The following MSI2 variants were observed in gnomAD, a reference collection of about 807,000 sequenced individuals.
MSI2 encodes the protein RNA-binding protein Musashi homolog 2.
In MSI2, 17 loss-of-function variants were observed where a neutral mutation model predicts 45.6. That is an observed-to-expected ratio of 0.37 (90% CI 0.26 to 0.56). The LOEUF (loss-of-function observed/expected upper bound fraction) is 0.56. MSI2 is among the 20% of genes least tolerant of loss of function. The probability of loss-of-function intolerance (pLI) is 0.77; values close to 1 mark genes in which losing one functional copy is unlikely to be tolerated. For synonymous variants in MSI2, 156 were observed against 158.2 expected (o/e 0.99, Z 0.11); for missense variants, 293 against 444.2 (o/e 0.66, Z 3.06).
chr17:57,497,569 C>T (rs1000213422), intron 6 of MSI2, among the ~76,000 whole-genome samples: 1 of 152,164 alleles, frequency 6.6e-6, no homozygotes, highest in Non-Finnish European at 1.5e-5. Context: ...AAGACAGCTA[C>T]GTCTCTCTAT....
chr17:57,259,552 G>A (rs547366033), intron 4 of MSI2, among the ~76,000 whole-genome samples: 14 of 152,182 alleles, frequency 9.2e-5, no homozygotes, highest in Admixed American at 7.9e-4. Context: ...TCAGGAATGC[G>A]TGCCTTCTCC....
chr17:57,361,417 T>C (rs1916801739), intron 5 of MSI2, among the ~76,000 whole-genome samples: 1 of 151,402 alleles, frequency 6.6e-6, no homozygotes, highest in South Asian at 2.1e-4. Context: ...CTGGATAACA[T>C]GGTGAAACCC....
intron 6 of MSI2, among the ~76,000 whole-genome samples, chr17:57,477,703 G>C (rs986790238): frequency 2.0e-5 from 3 of 152,220 alleles, no homozygotes; most frequent in Admixed American, 1.3e-4. Context: ...AGAGAAGGCA[G>C]TGTGCTAGGT....
rs1050811118 is a variant in MSI2, at chr17:57,447,415, T to C, written c.405+45944T>C. Among the ~76,000 whole-genome samples, 5 of 152,230 alleles carry C rather than the reference T, an allele frequency of 3.3e-5. No individual in the cohort carries two copies. The South Asian group carries it at 1.0e-3, about 31-fold the overall frequency. On this transcript the variant is annotated intron_variant, in intron 6 of 13. Coordinates refer to ENST00000284073, the MANE Select transcript of MSI2 (RefSeq NM_138962.4). Reference sequence around the variant, plus strand: ...CACTGTGCCCAGCTTAAGTTTTACATTTTAAATCACGCTTCTCTGGAAGGG... The same window carrying C: ...CACTGTGCCCAGCTTAAGTTTTACACTTTAAATCACGCTTCTCTGGAAGGG...
intron 5 of MSI2, among the ~76,000 whole-genome samples, chr17:57,374,544 A>G (rs1355815229): frequency 6.6e-6 from 1 of 152,186 alleles, no homozygotes; most frequent in African/African-American, 2.4e-5. Flanking sequence ...TGGGAGGCTG[A>G]GGCAGGTGGA....
intron 6 of MSI2, among the ~76,000 whole-genome samples, chr17:57,463,615 G>A (rs894621): frequency 0.88 from 133,983 of 152,106 alleles, 59,276 homozygotes; most frequent in South Asian, 0.94. Flanking sequence ...CAGAATCTCC[G>A]GGGTGTTCTC....
chr17:57,607,443 A>G (rs969830868), intron 8 of MSI2, among the ~76,000 whole-genome samples: 1 of 152,254 alleles, frequency 6.6e-6, no homozygotes, highest in Non-Finnish European at 1.5e-5. Context: ...CTGCATGGGC[A>G]GGTCCCACAT....
At chr17:57,678,364 C>T (rs1913383080) in intron 13 of MSI2, among the ~76,000 whole-genome samples, 1 of 152,190 alleles carries the variant, frequency 6.6e-6, no homozygotes, top group Non-Finnish European at 1.5e-5. Context: ...AGGCCACTAA[C>T]AGTTTGAAGG....
intron 8 of MSI2, among the ~76,000 whole-genome samples, chr17:57,615,303 A>ATT (rs1222947735): frequency 6.6e-6 from 1 of 151,096 alleles, no homozygotes; most frequent in African/African-American, 2.4e-5. Context: ...AGTTTTTTGT[A>ATT]TTTTTTTAGT....
At chr17:57,455,294 C>T (rs1396474306) in intron 6 of MSI2, among the ~76,000 whole-genome samples, 4 of 152,196 alleles carry the variant, frequency 2.6e-5, no homozygotes, top group African/African-American at 9.7e-5. Context: ...CCCCTGCCCC[C>T]CAACTCACAC....
intron 6 of MSI2, among the ~76,000 whole-genome samples, chr17:57,502,602 G>GATAGATATATATATATAT (rs1190802566): frequency 4.6e-4 from 25 of 54,410 alleles, no homozygotes; most frequent in East Asian, 2.6e-3. Flanking sequence ...ATGACTCTGA[G>GATAGATATATATATATAT]ATATATATAT....
At chr17:57,546,573 C>A (rs1464143931) in intron 7 of MSI2, among the ~76,000 whole-genome samples, 1 of 152,160 alleles carries the variant, frequency 6.6e-6, no homozygotes, top group East Asian at 1.9e-4. Flanking sequence ...TCCAAGAATG[C>A]CCTTGGAAGG....
intron 6 of MSI2, among the ~76,000 whole-genome samples, chr17:57,483,130 G>A (rs2085680877): frequency 1.3e-5 from 2 of 152,310 alleles, no homozygotes; most frequent in African/African-American, 4.8e-5. Flanking sequence ...AAGTATTAGT[G>A]TTGTATTAGG....
At chr17:57,690,550 C>G in the MSI2 span, among the ~76,000 whole-genome samples, 3 of 152,094 alleles carry the variant, frequency 2.0e-5, no homozygotes, top group African/African-American at 7.2e-5. Context: ...ACCCAGGAGG[C>G]TGAGGCTGCC....
intron 5 of MSI2, among the ~76,000 whole-genome samples, chr17:57,344,656 A>G (rs1317782982): frequency 6.6e-6 from 1 of 152,178 alleles, no homozygotes; most frequent in Non-Finnish European, 1.5e-5. Context: ...ACACATATAC[A>G]CACAGATACA....
At chr17:57,610,424 C>T (rs1478477579) in intron 8 of MSI2, among the ~76,000 whole-genome samples, 1 of 151,904 alleles carries the variant, frequency 6.6e-6, no homozygotes, top group Non-Finnish European at 1.5e-5. Context: ...TGCACTCCAG[C>T]CTGAGCGACA....
Position 57,257,277 on chromosome 17 carries a change from G to A in MSI2, c.103+139G>A, listed in dbSNP as rs568702464. The A allele has an allele frequency of 8.6e-3, 4,846 of 565,256 alleles. 41 individuals are homozygous for A. The highest frequency in any genetic ancestry group is 0.03 in the Middle Eastern group (61 of 2,066). The allele number at this position is 565,256 out of a possible 1,614,324, so 35.0% of individuals were successfully genotyped here. On this transcript the variant is annotated intron_variant, in intron 2 of 13. Coordinates refer to ENST00000284073, the MANE Select transcript of MSI2 (RefSeq NM_138962.4). ...TGTGCAAGGTTATTTTTTTTAAATA[G>A]CAAATCCTTTCTGAGCCCTCTATGC... is the stretch of plus-strand genomic sequence containing the variant.
At chr17:57,524,832 A>G (rs868143633) in intron 6 of MSI2, among the ~76,000 whole-genome samples, 24 of 152,212 alleles carry the variant, frequency 1.6e-4, no homozygotes, top group Admixed American at 1.3e-4. Context: ...CACTGAGTGT[A>G]TGTTAAAGAG....
Position 57,648,274 on chromosome 17 carries a change from G to A in MSI2, c.728-3825G>A, listed in dbSNP as rs556231679. 2.6e-5 allele frequency among the ~76,000 whole-genome samples: 4 copies of A among 151,984 alleles called. No homozygotes were observed. In the South Asian group the frequency reaches 8.3e-4, roughly 32 times the overall value. ...CCACCTTGGCCTCCCAAAGTGTTGGGGTTACAGGCATGAGCCACCGCGCCT... is the reference window on the plus strand; with the variant it reads ...CCACCTTGGCCTCCCAAAGTGTTGGAGTTACAGGCATGAGCCACCGCGCCT... On this transcript the variant is annotated intron_variant, in intron 10 of 13. Transcript: ENST00000284073.
Sources: gnomAD v4.1 joint callset for allele counts (sites outside exome capture counted in the v4.1 genomes callset) on GRCh38, gnomAD v4.1.1 for gene constraint, MANE v1.5 for transcripts, NCBI Gene and HGNC (gene_info 2026-07-23, HGNC 2026-07-21) for gene names.